Variants in BBOX1 observed in about 807,000 individuals in gnomAD.
The protein encoded by BBOX1 is gamma-butyrobetaine dioxygenase.
BBOX1 carries 35 observed loss-of-function variants against 41.6 expected under a neutral mutation model. The ratio of observed to expected loss-of-function variants is 0.84; its 90% CI spans 0.64 to 1.11. The LOEUF (loss-of-function observed/expected upper bound fraction) is 1.11. BBOX1 is among the 50% of genes most tolerant of loss of function. The pLI is 0.00. For synonymous variants in BBOX1, 163 were observed against 154.7 expected (o/e 1.05, Z -0.40); for missense variants, 458 against 460.6 (o/e 0.99, Z 0.05).
At chr11:27,093,589 A>G (rs2134044282) in intron 5 of BBOX1, among the ~76,000 whole-genome samples, 1 of 152,158 alleles carries the variant, frequency 6.6e-6, no homozygotes, top group South Asian at 2.1e-4. Context: ...CAGGCTAGTT[A>G]TAGGTGGTGT....
At chr11:27,043,324 A>G (rs545553587) in intron 2 of BBOX1, among the ~76,000 whole-genome samples, 2 of 151,952 alleles carry the variant, frequency 1.3e-5, no homozygotes, top group Admixed American at 1.3e-4. Flanking sequence ...CAGCCTCCCA[A>G]AGTGCTGGGA....
At chr11:27,043,362 C>A (rs1381158045) in intron 2 of BBOX1, among the ~76,000 whole-genome samples, 1 of 147,672 alleles carries the variant, frequency 6.8e-6, no homozygotes, top group East Asian at 1.9e-4. Flanking sequence ...CACACCCTGT[C>A]CTAATTTTTT....
intron 4 of BBOX1, among the ~76,000 whole-genome samples, chr11:27,074,833 C>T (rs1489432505): frequency 6.6e-6 from 1 of 152,222 alleles, no homozygotes; most frequent in African/African-American, 2.4e-5. Context: ...CCATATCTCC[C>T]ATTCAGGCCA....
intron 3 of BBOX1, 30 bp downstream of exon 3, chr11:27,055,679 T>C (rs1856959221): frequency 1.9e-6 from 3 of 1,570,964 alleles, no homozygotes; most frequent in South Asian, 1.1e-5. Flanking sequence ...GTCTCCCTTC[T>C]TTCTCAAGTT....
intron 4 of BBOX1, chr11:27,066,757 G>T (rs1857298064): frequency 3.3e-5 from 5 of 151,646 alleles, no homozygotes; most frequent in Admixed American, 1.3e-4. Flanking sequence ...CCAATTTTAA[G>T]AATTTGTTGA....
chr11:27,125,289 CAT>C (rs1423516193), intron 7 of BBOX1, among the ~76,000 whole-genome samples: 1 of 152,100 alleles, frequency 6.6e-6, no homozygotes, highest in East Asian at 1.9e-4. Context: ...AAATGAAACA[CAT>C]AGAACAATTG....
intron 2 of BBOX1, 136 bp from the exon 3 acceptor site, chr11:27,055,257 G>A (rs551897570): frequency 8.0e-5 from 46 of 571,474 alleles, no homozygotes; most frequent in Admixed American, 1.2e-4. Context: ...AGGTCCCAGC[G>A]TCAATAAGTC....
At chr11:27,092,636 CAAAGGATCACTTGATCCCAGAGGT>C (rs1858288168) in intron 4 of BBOX1, among the ~76,000 whole-genome samples, 1 of 151,834 alleles carries the variant, frequency 6.6e-6, no homozygotes, top group Admixed American at 6.6e-5. Flanking sequence ...TTGCTGACCC[CAAAGGATCACTTGATCCCAGAGGT>C]TGCTTCTTAA....
intron 4 of BBOX1, among the ~76,000 whole-genome samples, chr11:27,070,770 G>A (rs1045005354): frequency 2.1e-5 from 3 of 145,600 alleles, no homozygotes; most frequent in Non-Finnish European, 3.0e-5. Flanking sequence ...CATTTAGGCC[G>A]TTTACATTCA....
Position 27,055,742 on chromosome 11 carries a change from C to T in BBOX1, c.219+93C>T, listed in dbSNP as rs147395380. 2.8e-4 allele frequency: 351 copies of T among 1,245,398 alleles called. 1 individual carries two copies. In the African/African-American group the frequency reaches 4.2e-3, roughly 15 times the overall value. The allele number at this position is 1,245,398 out of a possible 1,614,324, so 77.1% of individuals were successfully genotyped here. A position where few individuals can be genotyped will look rare whatever the true frequency, so the allele number is the denominator to read the frequency against. ...TAGATAACTCTTTTTTATTTGGTCA[C>T]GCATATATAACCGCATATGAACCCA... On this transcript the variant is annotated intron_variant, in intron 3 of 8. Coordinates refer to ENST00000263182, the MANE Select transcript of BBOX1 (RefSeq NM_003986.3).
intron 4 of BBOX1, 89 bp from the exon 5 acceptor site, chr11:27,093,079 C>T (rs769781400): frequency 7.1e-6 from 9 of 1,262,944 alleles, no homozygotes; most frequent in Non-Finnish European, 1.0e-5. Flanking sequence ...CAACAATCAA[C>T]TTTAATGAAC....
intron 5 of BBOX1, among the ~76,000 whole-genome samples, chr11:27,103,589 C>G (rs1421099813): frequency 6.6e-6 from 1 of 150,440 alleles, no homozygotes; most frequent in Non-Finnish European, 1.5e-5. Context: ...AAATTTTTTT[C>G]TTTTCTTAAT....
chr11:27,116,371 T>C lies in BBOX1; in HGVS notation c.639+814T>C, dbSNP rs184589754. ...ATAGCATTAGAAGAAATACCTGATGTAGATCACGGGTTGATAGATGCAGCA... is the reference window on the plus strand; with the variant it reads ...ATAGCATTAGAAGAAATACCTGATGCAGATCACGGGTTGATAGATGCAGCA... On this transcript the variant is annotated intron_variant, in intron 6 of 8. Transcript: ENST00000263182. 9.1e-4 allele frequency among the ~76,000 whole-genome samples: 138 copies of C among 151,680 alleles called. No homozygotes were observed. The Middle Eastern group carries it at 0.014, about 15-fold the overall frequency.
At chr11:27,088,413 G>T (rs1858121454) in intron 4 of BBOX1, among the ~76,000 whole-genome samples, 1 of 152,022 alleles carries the variant, frequency 6.6e-6, no homozygotes, top group Non-Finnish European at 1.5e-5. Context: ...TTTTCAGTGT[G>T]CAAAGCCTTG....
chr11:27,092,356 C>T (rs372517080), intron 4 of BBOX1, among the ~76,000 whole-genome samples: 4 of 152,042 alleles, frequency 2.6e-5, no homozygotes, highest in South Asian at 4.1e-4. Flanking sequence ...AACGGATCAG[C>T]TAGAGTCAGG....
intron 5 of BBOX1, among the ~76,000 whole-genome samples, chr11:27,111,244 C>G (rs1859052516): frequency 6.6e-6 from 1 of 151,836 alleles, no homozygotes; most frequent in African/African-American, 2.4e-5. Flanking sequence ...AAATTAATAC[C>G]TGAACAGAAA....
intron 7 of BBOX1, among the ~76,000 whole-genome samples, chr11:27,120,108 A>G (rs909004628): frequency 6.6e-6 from 1 of 152,124 alleles, no homozygotes; most frequent in African/African-American, 2.4e-5. Context: ...CTACATAGCT[A>G]TAATCAATGT....
At chr11:27,089,584 T>C (rs1858165678) in intron 4 of BBOX1, among the ~76,000 whole-genome samples, 1 of 152,016 alleles carries the variant, frequency 6.6e-6, no homozygotes, top group African/African-American at 2.4e-5. Flanking sequence ...TCAGCTGCTA[T>C]TTAGGCAAAC....
chr11:27,061,558 G>C (rs749799447), intron 4 of BBOX1, among the ~76,000 whole-genome samples: 13 of 152,270 alleles, frequency 8.5e-5, no homozygotes, highest in Non-Finnish European at 1.6e-4. Flanking sequence ...ATATTCCAGA[G>C]CATGCAAACA....
Sources: allele counts gnomAD v4.1 joint callset (sites outside exome capture counted in the v4.1 genomes callset), GRCh38; gene constraint gnomAD v4.1.1; transcripts MANE v1.5; gene names NCBI Gene and HGNC (gene_info 2026-07-23, HGNC 2026-07-21).